Variants in DMD observed in about 807,000 individuals in gnomAD.
DMD encodes the protein dystrophin.
DMD carries 63 observed loss-of-function variants against 330.1 expected under a neutral mutation model. The ratio of observed to expected loss-of-function variants is 0.19; its 90% CI spans 0.16 to 0.24. DMD has a LOEUF of 0.24. DMD is among the 10% of genes least tolerant of loss of function. The pLI is 1.00. For missense variants in DMD, 3,344 were observed against 2,684.1 expected (o/e 1.25, Z -5.43); for synonymous variants, 1,223 against 959.8 (o/e 1.27, Z -5.07).
At chrX:31,341,294 T>G (rs1208874534) in intron 61 of DMD, among the ~76,000 whole-genome samples, 2 of 112,068 alleles carry the variant, frequency 1.8e-5, no homozygotes, top group Non-Finnish European at 3.8e-5. Context: ...CAATATCCCA[T>G]TGGTCGTATG....
chrX:32,117,739 G>A (rs931060303), intron 44 of DMD, among the ~76,000 whole-genome samples: 8 of 111,784 alleles, frequency 7.2e-5, no homozygotes, highest in African/African-American at 2.6e-4. Flanking sequence ...CTGCCTACAG[G>A]GCACTTAGAA....
chrX:33,017,605 A>G (rs2093828570), intron 2 of DMD, among the ~76,000 whole-genome samples: 2 of 111,310 alleles, frequency 1.8e-5, no homozygotes, highest in Non-Finnish European at 3.8e-5. Context: ...CTACTGACCT[A>G]GTATATTTAT....
chrX:32,597,770 C>A (rs916529196), intron 12 of DMD, among the ~76,000 whole-genome samples: 1 of 111,734 alleles, frequency 8.9e-6, no homozygotes, highest in African/African-American at 3.3e-5. Flanking sequence ...GCTCTAGAAC[C>A]AAGGTATGTT....
chrX:32,664,442 C>T (rs767446638), intron 9 of DMD, among the ~76,000 whole-genome samples: 97 of 109,707 alleles, frequency 8.8e-4, no homozygotes, highest in African/African-American at 2.9e-3. Context: ...GGGGTTTCAC[C>T]GTGTTAGCCA....
intron 17 of DMD, among the ~76,000 whole-genome samples, chrX:32,520,361 A>T (rs1238969091): frequency 1.8e-5 from 2 of 112,301 alleles, no homozygotes; most frequent in Non-Finnish European, 3.8e-5. Flanking sequence ...TATTTCAATC[A>T]TCTTTTATGC....
chrX:32,604,353 C>T (rs1236316096), intron 12 of DMD, among the ~76,000 whole-genome samples: 2 of 110,248 alleles, frequency 1.8e-5, no homozygotes, highest in Non-Finnish European at 3.8e-5. Context: ...TCCAGCCTCT[C>T]CCCAAGATAA....
chrX:33,299,453 A>C (rs1381019915), intron 1 of DMD, among the ~76,000 whole-genome samples: 1 of 111,388 alleles, frequency 9.0e-6, no homozygotes, highest in African/African-American at 3.3e-5. Context: ...ATTTGAAAAA[A>C]CTTTGGTAAG....
chrX:32,368,117 A>G (rs1021510353), intron 34 of DMD, among the ~76,000 whole-genome samples: 2 of 111,545 alleles, frequency 1.8e-5, no homozygotes, highest in South Asian at 7.4e-4. Flanking sequence ...TTTAAATACT[A>G]TGCTGAGCTT....
intron 47 of DMD, among the ~76,000 whole-genome samples, chrX:31,904,974 T>C (rs1374903512): frequency 9.0e-6 from 1 of 110,907 alleles, no homozygotes; most frequent in Non-Finnish European, 1.9e-5. Flanking sequence ...AGTTGTAGGG[T>C]TTTCAGTATA....
intron 48 of DMD, among the ~76,000 whole-genome samples, chrX:31,869,884 T>C (rs746415596): frequency 9.0e-6 from 1 of 111,591 alleles, no homozygotes; most frequent in South Asian, 3.8e-4. Flanking sequence ...ACAGCCCAGC[T>C]TCTAGGAATC....
intron 1 of DMD, among the ~76,000 whole-genome samples, chrX:33,294,081 C>T (rs2053551587): frequency 9.0e-6 from 1 of 111,322 alleles, no homozygotes; most frequent in Non-Finnish European, 1.9e-5. Flanking sequence ...TTGGCCATGT[C>T]TATCCAGAGT....
chrX:31,896,714 T>C (rs906967454), intron 47 of DMD, among the ~76,000 whole-genome samples: 3 of 111,427 alleles, frequency 2.7e-5, no homozygotes, highest in Non-Finnish European at 5.7e-5. Flanking sequence ...TAATTTGGTA[T>C]AGGCATTGCA....
intron 1 of DMD, among the ~76,000 whole-genome samples, chrX:33,247,677 C>T (rs1160865175): frequency 1.8e-5 from 2 of 111,862 alleles, no homozygotes; most frequent in African/African-American, 3.2e-5. Flanking sequence ...GTTATTTGCA[C>T]TAACTACTTG....
At chrX:32,480,966 A>T (rs1259265465) in intron 21 of DMD, among the ~76,000 whole-genome samples, 1 of 111,153 alleles carries the variant, frequency 9.0e-6, no homozygotes, top group Non-Finnish European at 1.9e-5. Flanking sequence ...TAAAAATAAA[A>T]TTTTAAAATA....
At chrX:31,309,594 C>G (rs1342708403) in intron 62 of DMD, among the ~76,000 whole-genome samples, 2 of 111,667 alleles carry the variant, frequency 1.8e-5, no homozygotes, top group African/African-American at 3.3e-5. Context: ...CAGACTCACA[C>G]AAATCTCAGA....
At chrX:31,766,873 T>TTGTG (rs756777827) in intron 51 of DMD, among the ~76,000 whole-genome samples, 2,068 of 101,060 alleles carry the variant, frequency 0.02, 49 homozygotes, top group African/African-American at 0.06. Context: ...AAATATGATT[T>TTGTG]TGTGTGTGTG....
intron 29 of DMD, among the ~76,000 whole-genome samples, chrX:32,435,373 G>A (rs1202598905): frequency 4.9e-5 from 5 of 102,865 alleles, no homozygotes; most frequent in African/African-American, 1.7e-4. Flanking sequence ...AAATAAAAAG[G>A]CTGATCATGT....
chrX:33,065,723 T>C (rs1398851988), intron 1 of DMD, among the ~76,000 whole-genome samples: 2 of 112,441 alleles, frequency 1.8e-5, no homozygotes, highest in Non-Finnish European at 3.7e-5. Context: ...ATATTTTCTT[T>C]GGTTATATAA....
At chrX:33,205,955 G>A (rs1330182904) in intron 1 of DMD, among the ~76,000 whole-genome samples, 2 of 110,943 alleles carry the variant, frequency 1.8e-5, no homozygotes, top group African/African-American at 6.5e-5. Context: ...CTGATTTTTT[G>A]AAGTTTCTTT....
Sources: gnomAD v4.1 joint callset for allele counts (sites outside exome capture counted in the v4.1 genomes callset) on GRCh38, gnomAD v4.1.1 for gene constraint, MANE v1.5 for transcripts, NCBI Gene and HGNC (gene_info 2026-07-23, HGNC 2026-07-21) for gene names.